Variants in SCNN1B observed in about 807,000 individuals in gnomAD.
The protein encoded by SCNN1B is epithelial sodium channel subunit beta.
SCNN1B carries 46 observed loss-of-function variants against 65.3 expected under a neutral mutation model. The ratio of observed to expected loss-of-function variants is 0.70; its 90% CI spans 0.56 to 0.90. The LOEUF (loss-of-function observed/expected upper bound fraction) is 0.90. Ranked by LOEUF, SCNN1B falls within the 40% of genes least tolerant of loss-of-function variation. SCNN1B has a pLI of 0.00. For synonymous variants in SCNN1B, 349 were observed against 330.6 expected, an observed-to-expected ratio of 1.06 and a Z score of -0.60; for missense variants, 751 against 830.5, an observed-to-expected ratio of 0.90 and a Z score of 1.18.
intron 2 of SCNN1B, among the ~76,000 whole-genome samples, chr16:23,351,960 A>G (rs1962318808): frequency 6.6e-6 from 1 of 152,160 alleles, no homozygotes; most frequent in Non-Finnish European, 1.5e-5. Flanking sequence ...GCCCTTTATC[A>G]GTGGAGTGAG....
chr16:23,354,177 G>A (rs945916974), intron 3 of SCNN1B, among the ~76,000 whole-genome samples: 14 of 152,116 alleles, frequency 9.2e-5, no homozygotes, highest in Non-Finnish European at 1.5e-4. Flanking sequence ...TAACCTCCTG[G>A]GCCTCAATTT....
At chr16:23,365,770 T>C (rs1449400020) in intron 4 of SCNN1B, among the ~76,000 whole-genome samples, 1 of 152,102 alleles carries the variant, frequency 6.6e-6, no homozygotes, top group African/African-American at 2.4e-5. Flanking sequence ...ATTTATTGGG[T>C]GGAAAAATGT....
chr16:23,381,039 C>G lies in SCNN1B; in HGVS notation c.*238C>G. On this transcript the variant is annotated 3_prime_UTR_variant, in exon 13 of 13. Coordinates refer to ENST00000343070, the MANE Select transcript of SCNN1B (RefSeq NM_000336.3). ...ATTGTATCTTCACCTGGTTCCTACC[C>G]TCGTCCCTACCTGTCCTGATCCTGG... 1 of 592,796 alleles carries G rather than the reference C, an allele frequency of 1.7e-6. No individual in the cohort carries two copies. Among genetic ancestry groups the G allele is most frequent in the Admixed American group, 2.7e-5 (1 of 37,172 alleles). The allele number at this position is 592,796 out of a possible 1,614,324, so 36.7% of individuals were successfully genotyped here.
rs1183203453 is a variant in SCNN1B, at chr16:23,380,612, G to A, written c.1734G>A (p.Val578=). The change falls in exon 13 of 13, where the codon GTG becomes GTA. Residue 578 remains valine, a synonymous_variant. Transcript: ENST00000343070. This position sits in a 1 kb window ranked among gnomAD's most constrained non-coding sequence, Gnocchi z 5.4. ...GCTACGCTGGCCCACCGCCCACCGT[G>A]GCCGAGCTGGTGGAGGCCCACACCA... ...QASYAGPPPT[V]AELVEAHTNF... The A allele has an allele frequency of 6.2e-7, 1 of 1,613,772 alleles. No individual in the cohort carries two copies. Among genetic ancestry groups the A allele is most frequent in the Non-Finnish European group, 8.5e-7 (1 of 1,179,932 alleles).
chr16:23,319,255 T>C (rs113337849), intron 1 of SCNN1B, among the ~76,000 whole-genome samples: 1,538 of 152,266 alleles, frequency 0.01, 35 homozygotes, highest in African/African-American at 0.035. Flanking sequence ...TTAGCCAGGA[T>C]GGTCTCAGTC....
intron 2 of SCNN1B, among the ~76,000 whole-genome samples, chr16:23,295,235 T>C (rs1960979220): frequency 6.6e-6 from 1 of 152,120 alleles, no homozygotes; most frequent in Non-Finnish European, 1.5e-5. Flanking sequence ...CATTTTTTTT[T>C]TGAGACCAGG....
rs1960905196 is a variant in SCNN1B, at chr16:23,290,290, AC to A, written n.178+6487del. 3.9e-5 allele frequency among the ~76,000 whole-genome samples: 6 copies of A among 152,078 alleles called. No homozygotes were observed. In the South Asian group the frequency reaches 1.2e-3, roughly 32 times the overall value. On this transcript the variant is annotated intron_variant and non_coding_transcript_variant, in intron 2 of 3. Transcript: ENST00000569789. ...TGTTATTGAAATTATTATTAGCAAC[AC>A]TTATGTGATCAAACTCTAGGTTTTG... is the stretch of plus-strand genomic sequence containing the variant.
At chr16:23,340,988 A>G (rs1455222324) in intron 1 of SCNN1B, among the ~76,000 whole-genome samples, 3 of 152,080 alleles carry the variant, frequency 2.0e-5, no homozygotes, top group African/African-American at 7.2e-5. Context: ...TTTTCCATAC[A>G]TATTTTAGAA....
rs1345886235 is a variant in SCNN1B at position 23,323,535 on chromosome 16, T to C, written c.-9+21098T>C. 3 of 702,900 alleles carry C rather than the reference T, an allele frequency of 4.3e-6. No homozygotes were observed. The Admixed American group carries it at 6.0e-5, about 14-fold the overall frequency. 43.5% of individuals were successfully genotyped at this position (702,900 alleles called of 1,614,324 possible). A position where few individuals can be genotyped will look rare whatever the true frequency, so the allele number is the denominator to read the frequency against. On this transcript the variant is annotated intron_variant, in intron 1 of 12. Coordinates refer to ENST00000343070, the MANE Select transcript of SCNN1B (RefSeq NM_000336.3). Reference sequence around the variant, plus strand: ...CATCAACTCAATGAACTCAGTACTATTTTCCCCTCATTTTACAGATGGGGA... The same window carrying C: ...CATCAACTCAATGAACTCAGTACTACTTTCCCCTCATTTTACAGATGGGGA...
intron 1 of SCNN1B, among the ~76,000 whole-genome samples, chr16:23,343,475 A>AAAGG (rs569501062): frequency 0.13 from 14,997 of 112,956 alleles, 1,715 homozygotes; most frequent in Middle Eastern, 0.26. Context: ...GAAAAGAAAG[A>AAAGG]AAGGAAGGAA....
chr16:23,353,124 C>T (rs745497431), intron 3 of SCNN1B, 50 bp downstream of exon 3: 1 of 1,583,514 alleles, frequency 6.3e-7, no homozygotes, highest in Non-Finnish European at 8.7e-7. Context: ...CCCAGTGAGG[C>T]TGATGGGTGT....
intron 1 of SCNN1B, among the ~76,000 whole-genome samples, chr16:23,282,439 A>G (rs1410867431): frequency 2.0e-5 from 3 of 152,216 alleles, no homozygotes; most frequent in African/African-American, 7.2e-5. Context: ...GCTAAGAGAG[A>G]TTAGGTAACT....
intron 7 of SCNN1B, among the ~76,000 whole-genome samples, chr16:23,372,619 G>A (rs550498327): frequency 2.2e-4 from 33 of 150,036 alleles, no homozygotes; most frequent in African/African-American, 7.1e-4. Flanking sequence ...TCAGCCTCCC[G>A]TGTAGCTGGG....
At chr16:23,333,102 GA>G (rs1961850867) in intron 1 of SCNN1B, among the ~76,000 whole-genome samples, 1 of 111,142 alleles carries the variant, frequency 9.0e-6, no homozygotes, top group South Asian at 3.0e-4. Context: ...AGGGAGGAAG[GA>G]AGGAAGGGAG....
chr16:23,342,304 G>A (rs9940538), intron 1 of SCNN1B, among the ~76,000 whole-genome samples: 10,201 of 152,200 alleles, frequency 0.067, 1,180 homozygotes, highest in African/African-American at 0.23. Flanking sequence ...CTGGAGTGCC[G>A]TGGCACAATC....
chr16:23,379,360 A>G (rs1962987562), intron 11 of SCNN1B, among the ~76,000 whole-genome samples: 1 of 152,170 alleles, frequency 6.6e-6, no homozygotes, highest in African/African-American at 2.4e-5. Flanking sequence ...GGGCTCAAGG[A>G]GAGGAGGGTC....
At chr16:23,311,857 GA>G (rs1961350480) in intron 1 of SCNN1B, among the ~76,000 whole-genome samples, 1 of 152,216 alleles carries the variant, frequency 6.6e-6, no homozygotes. Context: ...AGATAGGGAA[GA>G]GGGGGAGATT....
At chr16:23,361,341 G>T (rs2369333) in intron 4 of SCNN1B, among the ~76,000 whole-genome samples, 3,647 of 152,310 alleles carry the variant, frequency 0.024, 123 homozygotes, top group African/African-American at 0.082. Context: ...TAGGATTACA[G>T]ATGTGAGCCA....
At position 23,292,196 on chromosome 16, in the gene SCNN1B, AT is replaced by A. The variant is rs59582200; in HGVS notation, n.178+8407del. ...TTTTATTTATTTTATTTCTTTCTTTATTTTTTTTTTTTTTTGAGACGGAGTC... is the reference window on the plus strand; with the variant it reads ...TTTTATTTATTTTATTTCTTTCTTTATTTTTTTTTTTTTTGAGACGGAGTC... On this transcript the variant is annotated intron_variant and non_coding_transcript_variant, in intron 2 of 3. Coordinates refer to the SCNN1B transcript ENST00000569789. 7.8e-3 allele frequency among the ~76,000 whole-genome samples: 1,045 copies of A among 133,254 alleles called. 4 individuals carry two copies. Among genetic ancestry groups the A allele is most frequent in the African/African-American group, 8.3e-3 (310 of 37,396 alleles). 87.4% of individuals were successfully genotyped at this position (133,254 alleles called of 152,430 possible).
Sources: allele counts gnomAD v4.1 joint callset (sites outside exome capture counted in the v4.1 genomes callset), GRCh38; gene constraint gnomAD v4.1.1; non-coding constraint Gnocchi (gnomAD v3.1); transcripts MANE v1.5; gene names NCBI Gene and HGNC (gene_info 2026-07-23, HGNC 2026-07-21).